CNTNAP2: variants seen among roughly 807,000 people sequenced by gnomAD.
CNTNAP2 encodes the protein contactin associated protein 2, also known as contactin-associated protein-like 2.
Under a neutral mutation model 155.2 loss-of-function variants are expected in CNTNAP2, and 98 were observed. That is an observed-to-expected ratio of 0.63 (90% CI 0.54 to 0.75). The LOEUF is 0.75. Ranked by LOEUF, CNTNAP2 falls within the 30% of genes least tolerant of loss-of-function variation. CNTNAP2 has a pLI of 0.00. For synonymous variants in CNTNAP2, 651 were observed against 631.2 expected (o/e 1.03, Z -0.47); for missense variants, 1,727 against 1,688.1 (o/e 1.02, Z -0.40).
intron 1 of CNTNAP2, among the ~76,000 whole-genome samples, chr7:146,534,576 A>T (rs979149412): frequency 2.0e-5 from 3 of 152,124 alleles, no homozygotes; most frequent in African/African-American, 7.2e-5. Context: ...ATGCTCAGTA[A>T]TCTAACGGGG....
intron 17 of CNTNAP2, among the ~76,000 whole-genome samples, chr7:148,170,411 G>T (rs1562982562): frequency 6.6e-6 from 1 of 152,210 alleles, no homozygotes; most frequent in African/African-American, 2.4e-5. Context: ...TGTAACTAGA[G>T]GGTTGAAGTT....
chr7:146,286,885 C>A (rs941762643), intron 1 of CNTNAP2, among the ~76,000 whole-genome samples: 1 of 152,070 alleles, frequency 6.6e-6, no homozygotes, highest in Admixed American at 6.6e-5. Flanking sequence ...GTGGAAGGAT[C>A]ACCTGAGGCC....
At chr7:148,019,830 A>T (rs547998869) in intron 15 of CNTNAP2, among the ~76,000 whole-genome samples, 1 of 152,206 alleles carries the variant, frequency 6.6e-6, no homozygotes, top group African/African-American at 2.4e-5. Context: ...CTTGTCACTC[A>T]GGCTGGAGTG....
intron 3 of CNTNAP2, among the ~76,000 whole-genome samples, chr7:146,948,366 G>A (rs909148929): frequency 8.5e-6 from 1 of 117,002 alleles, no homozygotes; most frequent in Admixed American, 7.9e-5. Context: ...TAATTTTGTG[G>A]TAATTTTTGT....
At chr7:147,013,222 G>A (rs1413991664) in intron 3 of CNTNAP2, among the ~76,000 whole-genome samples, 4 of 151,938 alleles carry the variant, frequency 2.6e-5, no homozygotes, top group East Asian at 1.9e-4. Context: ...TTGACAGAAC[G>A]GGTCAACCAT....
chr7:147,441,094 A>C (rs549547896), intron 10 of CNTNAP2, among the ~76,000 whole-genome samples: 89 of 152,262 alleles, frequency 5.8e-4, no homozygotes, highest in African/African-American at 2.0e-3. Flanking sequence ...AAGGCCAATA[A>C]GTCTTAGATT....
At chr7:147,927,285 T>C (rs957129854) in intron 14 of CNTNAP2, among the ~76,000 whole-genome samples, 2 of 152,196 alleles carry the variant, frequency 1.3e-5, no homozygotes, top group African/African-American at 4.8e-5. Flanking sequence ...CCTGAGTAGA[T>C]GACAGTCGCC....
chr7:147,046,853 C>T (rs758557666), intron 4 of CNTNAP2, among the ~76,000 whole-genome samples: 16 of 151,766 alleles, frequency 1.1e-4, no homozygotes, highest in Non-Finnish European at 1.8e-4. Context: ...CACGGTGAAA[C>T]CCCGTCTCTA....
intron 13 of CNTNAP2, among the ~76,000 whole-genome samples, chr7:147,659,549 A>C (rs1205915643): frequency 1.3e-5 from 2 of 152,222 alleles, no homozygotes; most frequent in African/African-American, 4.8e-5. Context: ...TACTAAAATC[A>C]AGCCATGTGT....
intron 13 of CNTNAP2, among the ~76,000 whole-genome samples, chr7:147,799,495 T>G (rs1206826783): frequency 2.0e-5 from 3 of 152,154 alleles, no homozygotes; most frequent in African/African-American, 7.2e-5. Flanking sequence ...AATTATAATA[T>G]GTAAGCTATT....
intron 21 of CNTNAP2, among the ~76,000 whole-genome samples, chr7:148,333,816 C>T (rs1249195889): frequency 6.6e-6 from 1 of 151,296 alleles, no homozygotes; most frequent in African/African-American, 2.5e-5. Context: ...TATGTTTATC[C>T]GACTTCCCAG....
chr7:147,580,244 G>C (rs193013016), intron 12 of CNTNAP2, among the ~76,000 whole-genome samples: 104 of 152,176 alleles, frequency 6.8e-4, no homozygotes, highest in Non-Finnish European at 2.9e-4. Flanking sequence ...GCTGTCCCAA[G>C]ACATTCTAAA....
At chr7:147,877,603 T>G (rs895196981) in intron 13 of CNTNAP2, among the ~76,000 whole-genome samples, 1 of 152,214 alleles carries the variant, frequency 6.6e-6, no homozygotes, top group African/African-American at 2.4e-5. Context: ...AAATTAATTT[T>G]TATAAATAAT....
At chr7:146,601,828 TAGA>T (rs1219128883) in intron 1 of CNTNAP2, among the ~76,000 whole-genome samples, 7 of 151,896 alleles carry the variant, frequency 4.6e-5, no homozygotes, top group Non-Finnish European at 8.8e-5. Flanking sequence ...GCAAAAAAAG[TAGA>T]AGAATTAAGT....
intron 14 of CNTNAP2, among the ~76,000 whole-genome samples, chr7:147,957,820 A>G (rs1801045582): frequency 6.6e-6 from 1 of 152,198 alleles, no homozygotes; most frequent in Non-Finnish European, 1.5e-5. Context: ...TATGCCTATA[A>G]TCTCAGCACT....
At chr7:147,596,115 C>A (rs553763327) in intron 12 of CNTNAP2, among the ~76,000 whole-genome samples, 1 of 152,042 alleles carries the variant, frequency 6.6e-6, no homozygotes, top group Non-Finnish European at 1.5e-5. Context: ...CTCAGGCATC[C>A]CCAATCTGAC....
chr7:147,591,991 C>G (rs1401862998), intron 12 of CNTNAP2, among the ~76,000 whole-genome samples: 1 of 152,186 alleles, frequency 6.6e-6, no homozygotes, highest in African/African-American at 2.4e-5. Context: ...AAAACATTAG[C>G]ATACCATCAT....
chr7:146,300,772 T>C (rs1563027582), intron 1 of CNTNAP2, among the ~76,000 whole-genome samples: 1 of 152,128 alleles, frequency 6.6e-6, no homozygotes, highest in Non-Finnish European at 1.5e-5. Context: ...ATAGGCATTA[T>C]TGAAAAGCAG....
intron 3 of CNTNAP2, among the ~76,000 whole-genome samples, chr7:146,932,001 C>T (rs1388641613): frequency 6.6e-6 from 1 of 150,928 alleles, no homozygotes; most frequent in Admixed American, 6.6e-5. Context: ...CGAATTCTAC[C>T]AGAGGTACAA....
Sources: allele counts gnomAD v4.1 joint callset (sites outside exome capture counted in the v4.1 genomes callset), GRCh38; gene constraint gnomAD v4.1.1; transcripts MANE v1.5; gene names NCBI Gene and HGNC (gene_info 2026-07-23, HGNC 2026-07-21).